The following NTSR2 variants were observed in gnomAD, a reference collection of about 807,000 sequenced individuals.
NTSR2 encodes the protein neurotensin receptor 2.
NTSR2 carries 22 observed loss-of-function variants against 24.1 expected under a neutral mutation model. The ratio of observed to expected loss-of-function variants is 0.91; its 90% confidence interval spans 0.65 to 1.30. The LOEUF (loss-of-function observed/expected upper bound fraction) is 1.30, where lower values mean the gene tolerates loss of function less well. Ranked by LOEUF, NTSR2 falls within the 50% of genes most tolerant of loss-of-function variation. The pLI is 0.00. For missense variants in NTSR2, 570 were observed against 570.4 expected (o/e 1.00, Z 0.01); for synonymous variants, 291 against 267.0 (o/e 1.09, Z -0.88).
intron 3 of NTSR2, 147 bp from the exon 4 acceptor site, chr2:11,658,869 T>G (rs1319182786): frequency 2.0e-6 from 2 of 992,566 alleles, no homozygotes; most frequent in Non-Finnish European, 2.9e-6. Flanking sequence ...TGTTTGTTTG[T>G]TTGTTTTTGA....
At chr2:11,666,851 G>A (rs1407301243) in intron 1 of NTSR2, among the ~76,000 whole-genome samples, 1 of 152,184 alleles carries the variant, frequency 6.6e-6, no homozygotes, top group Non-Finnish European at 1.5e-5. Context: ...GAGAAGACGG[G>A]ACAGGTGGGA....
intron 1 of NTSR2, among the ~76,000 whole-genome samples, chr2:11,663,145 TTCTCAA>T (rs1332555046): frequency 1.3e-5 from 2 of 152,178 alleles, no homozygotes; most frequent in Non-Finnish European, 2.9e-5. Flanking sequence ...GACATGCAAA[TTCTCAA>T]TTTTTTTTTA....
rs753832058 is a variant in NTSR2 at position 11,660,119 on chromosome 2, T to G, written c.913A>C (p.Met305Leu). The G allele has an allele frequency of 6.8e-6, 11 of 1,613,446 alleles. No individual in the cohort carries two copies. Among genetic ancestry groups the G allele is most frequent in the Non-Finnish European group, 9.3e-6 (11 of 1,179,852 alleles). The change falls in exon 3 of 4, where the codon ATG (methionine) becomes CTG (leucine). Residue 305 changes from methionine to leucine, a missense_variant. By Grantham distance (15) the Met-to-Leu change is conservative (BLOSUM62 2). Transcript: ENST00000306928. Reference protein sequence around the residue: ...SVQVLRAIVVMYVICWLPYHA... With the variant: ...SVQVLRAIVVLYVICWLPYHA... ...TACGGCAGCCAGCAGATGACATACATGACCACGATGGCTCCTGCAGAGCAT... is the reference window on the plus strand; with the variant it reads ...TACGGCAGCCAGCAGATGACATACAGGACCACGATGGCTCCTGCAGAGCAT...
At position 11,658,738 on chromosome 2, in the gene NTSR2, G is replaced by A. The variant is rs533164027; in HGVS notation, c.990-16C>T. 13 of 1,611,934 alleles carry A rather than the reference G, an allele frequency of 8.1e-6. No homozygotes were observed. The highest frequency in any genetic ancestry group is 6.6e-5 in the South Asian group (6 of 90,892). On this transcript the variant is annotated splice_polypyrimidine_tract_variant and intron_variant, in intron 3 of 3. Coordinates refer to ENST00000306928, the MANE Select transcript of NTSR2 (RefSeq NM_012344.4). ...GTACAGTGGGCTGCAAGAGAAACCC[G>A]GGAGCCTGGTTAGAGGACCTGTCAC...
At chr2:11,665,783 T>G (rs1661184887) in intron 1 of NTSR2, 1 of 152,402 alleles carries the variant, frequency 6.6e-6, no homozygotes, top group Non-Finnish European at 1.5e-5. Context: ...CATGTCAGCA[T>G]GAGACAGAAA....
chr2:11,663,073 A>G (rs1031686641), intron 1 of NTSR2, among the ~76,000 whole-genome samples: 4 of 152,252 alleles, frequency 2.6e-5, no homozygotes, highest in East Asian at 3.8e-4. Context: ...AATGGCTTCC[A>G]TCTTAGAATT....
chr2:11,660,255 G>T, intron 2 of NTSR2, 122 bp from the exon 3 acceptor site: 1 of 722,872 alleles, frequency 1.4e-6, no homozygotes, highest in Non-Finnish European at 2.4e-6. Flanking sequence ...ACTTGGTCCT[G>T]GAGTCAAGGG....
chr2:11,664,393 C>T (rs1381880615), intron 1 of NTSR2, among the ~76,000 whole-genome samples: 1 of 152,208 alleles, frequency 6.6e-6, no homozygotes, highest in Non-Finnish European at 1.5e-5. Context: ...GCTGGGATTA[C>T]AGGTGTGAGC....
In NTSR2 at chr2:11,664,058, C is replaced by A. The variant is rs145709577; in HGVS notation, c.625-1818G>T. The stretch of plus-strand genomic sequence containing the variant: ...TTTAAAAATTCAAAATCAATGTGTT[C>A]TAGGGTTTCCCCTCATCAGTTCTAA... On this transcript the variant is annotated intron_variant, in intron 1 of 3. Transcript: ENST00000306928. 8.6e-5 allele frequency among the ~76,000 whole-genome samples: 13 copies of A among 151,486 alleles called. No homozygotes were observed. The East Asian group carries it at 2.5e-3, about 29-fold the overall frequency.
At chr2:11,665,074 T>G (rs1455607802) in intron 1 of NTSR2, among the ~76,000 whole-genome samples, 12 of 149,526 alleles carry the variant, frequency 8.0e-5, no homozygotes, top group Non-Finnish European at 1.5e-4. Context: ...TTTTTTTTTT[T>G]TTTTTTTTTC....
intron 3 of NTSR2, among the ~76,000 whole-genome samples, chr2:11,659,509 G>T (rs535032778): frequency 1.3e-5 from 2 of 152,362 alleles, no homozygotes; most frequent in Admixed American, 1.3e-4. Flanking sequence ...TCTTTCTGTG[G>T]AGGCTTCCTG....
intron 1 of NTSR2, among the ~76,000 whole-genome samples, chr2:11,663,265 G>T (rs1367138424): frequency 6.6e-6 from 1 of 152,130 alleles, no homozygotes; most frequent in African/African-American, 2.4e-5. Flanking sequence ...TCAAAATGGG[G>T]TATCCTACAC....
intron 1 of NTSR2, 45 bp downstream of exon 1, chr2:11,669,461 C>CGCCCGCCG: frequency 7.2e-6 from 1 of 137,946 alleles, no homozygotes; most frequent in Non-Finnish European, 1.5e-5. Context: ...CCCAGCACCG[C>CGCCCGCCG]CCCCCCACCC....
intron 1 of NTSR2, 47 bp downstream of exon 1, chr2:11,669,459 C>CCGGGCGGGGGGGG: frequency 8.9e-6 from 3 of 337,890 alleles, no homozygotes; most frequent in East Asian, 4.3e-5. Flanking sequence ...CTCCCAGCAC[C>CCGGGCGGGGGGGG]GCCCCCCCAC....
At chr2:11,659,756 C>T (rs939492206) in intron 3 of NTSR2, among the ~76,000 whole-genome samples, 4 of 152,198 alleles carry the variant, frequency 2.6e-5, no homozygotes, top group African/African-American at 2.4e-5. Flanking sequence ...AAGCATGGCC[C>T]GTGCTCCCTC....
chr2:11,659,353 G>A (rs958232420), intron 3 of NTSR2, among the ~76,000 whole-genome samples: 1 of 152,258 alleles, frequency 6.6e-6, no homozygotes, highest in African/African-American at 2.4e-5. Context: ...AGATGTGGCT[G>A]CACTAAGAGC....
At chr2:11,660,746 GA>G (rs914334682) in intron 2 of NTSR2, among the ~76,000 whole-genome samples, 3 of 150,716 alleles carry the variant, frequency 2.0e-5, no homozygotes, top group African/African-American at 4.9e-5. Context: ...ATCTCAAAAA[GA>G]AAAAAAAAGT....
Position 11,669,969 on chromosome 2 carries a change from G to A in NTSR2, c.161C>T (p.Ala54Val), listed in dbSNP as rs6432225. ...ALGAAGNALS[A>V]HVVLKARAGR... ...GGCCCGCGCCTTCAGCACCACGTGC[G>A]CGGACAGCGCATTGCCCGCCGCGCC... Residue 54 changes from alanine to valine, a missense_variant, in exon 1 of 4, where the codon GCG (alanine) becomes GTG (valine). Physicochemically the swap from Ala to Val is moderately conservative, Grantham distance 64. Coordinates refer to ENST00000306928, the MANE Select transcript of NTSR2 (RefSeq NM_012344.4). The A allele has an allele frequency of 1, 1,509,316 of 1,515,990 alleles. 751,560 individuals are homozygous for A. Among genetic ancestry groups the A allele is most frequent in the East Asian group, 1 (39,701 of 39,702 alleles). The allele number at this position is 1,515,990 out of a possible 1,614,324, so 93.9% of individuals were successfully genotyped here. A position where few individuals can be genotyped will look rare whatever the true frequency, so the allele number is the denominator to read the frequency against.
chr2:11,660,035 AC>A lies in NTSR2; in HGVS notation c.989+7del. 1 of 1,611,414 alleles carries A rather than the reference AC, an allele frequency of 6.2e-7. No individual in the cohort carries two copies. Among genetic ancestry groups the A allele is most frequent in the Non-Finnish European group, 8.5e-7 (1 of 1,177,786 alleles). ...CCCTGTGTGCTAGGGTCCTTCTGCC[AC>A]ACTCACTCAGTCCACGCGTCATCAG... On this transcript the variant is annotated splice_region_variant and intron_variant, in intron 3 of 3. Transcript: ENST00000306928.
Sources: gnomAD v4.1 joint callset for allele counts (sites outside exome capture counted in the v4.1 genomes callset) on GRCh38, gnomAD v4.1.1 for gene constraint, MANE v1.5 for transcripts, NCBI Gene and HGNC (gene_info 2026-07-23, HGNC 2026-07-21) for gene names.